ERC1: variants seen among roughly 807,000 people sequenced by gnomAD.
ERC1 encodes the protein ELKS/RAB6-interacting/CAST family member 1, also known as RAB6 interacting protein 2.
ERC1 carries 56 observed loss-of-function variants against 132.0 expected under a neutral mutation model. The observed-to-expected ratio is 0.42, with a 90% CI of 0.34 to 0.53. The LOEUF (loss-of-function observed/expected upper bound fraction) is 0.53, where lower values mean the gene tolerates loss of function less well. Among genes scored for constraint, ERC1 ranks in the 20% least tolerant of loss-of-function variants. The pLI is 0.03. For synonymous variants in ERC1, 478 were observed against 476.1 expected (o/e 1.00, Z -0.05); for missense variants, 1,202 against 1,349.9 (o/e 0.89, Z 1.72).
At chr12:1,434,541 A>G (rs1393348157) in intron 17 of ERC1, among the ~76,000 whole-genome samples, 1 of 152,146 alleles carries the variant, frequency 6.6e-6, no homozygotes, top group Non-Finnish European at 1.5e-5. Flanking sequence ...GTTCTGTCAA[A>G]TGCTAGGGTT....
intron 8 of ERC1, among the ~76,000 whole-genome samples, chr12:1,147,826 C>T (rs1430940765): frequency 6.6e-6 from 1 of 152,142 alleles, no homozygotes; most frequent in Non-Finnish European, 1.5e-5. Flanking sequence ...GTGCCAGCAG[C>T]CTGTTTGTTG....
intron 12 of ERC1, among the ~76,000 whole-genome samples, chr12:1,216,212 G>T (rs1002669513): frequency 2.6e-5 from 4 of 151,840 alleles, no homozygotes; most frequent in Admixed American, 1.3e-4. Flanking sequence ...ATATTTTAGC[G>T]ATTAATAGTA....
intron 2 of ERC1, among the ~76,000 whole-genome samples, chr12:1,078,451 G>A (rs953153813): frequency 1.4e-5 from 2 of 140,036 alleles, no homozygotes; most frequent in Admixed American, 7.1e-5. Flanking sequence ...TTTTTTTTTG[G>A]TGAGTTTATT....
intron 3 of ERC1, among the ~76,000 whole-genome samples, chr12:1,097,757 C>A (rs1435421671): frequency 6.6e-6 from 1 of 151,060 alleles, no homozygotes; most frequent in Admixed American, 6.6e-5. Flanking sequence ...CTCTGTTGCC[C>A]AAGCTGGAGT....
intron 8 of ERC1, among the ~76,000 whole-genome samples, chr12:1,149,385 A>G (rs1047289637): frequency 9.9e-5 from 15 of 152,282 alleles, no homozygotes; most frequent in African/African-American, 3.6e-4. Flanking sequence ...ATACAGTATC[A>G]TATATACATA....
At chr12:1,401,097 G>A (rs576322891) in intron 16 of ERC1, among the ~76,000 whole-genome samples, 26 of 151,236 alleles carry the variant, frequency 1.7e-4, no homozygotes, top group African/African-American at 3.2e-4. Flanking sequence ...CGCTGCGCCC[G>A]GCTAATTTTT....
intron 1 of ERC1, among the ~76,000 whole-genome samples, chr12:1,021,907 C>G (rs1376118119): frequency 6.6e-6 from 1 of 152,162 alleles, no homozygotes; most frequent in Non-Finnish European, 1.5e-5. Flanking sequence ...CTCATGTATT[C>G]TGTCAGTATC....
chr12:996,250 T>C (rs1368200805), intron 1 of ERC1, among the ~76,000 whole-genome samples: 1 of 73,156 alleles, frequency 1.4e-5, no homozygotes. Context: ...CATGCCTGGC[T>C]TTTTTTTTTT....
chr12:1,482,212 G>T (rs2094106772), intron 18 of ERC1, among the ~76,000 whole-genome samples: 1 of 152,156 alleles, frequency 6.6e-6, no homozygotes, highest in South Asian at 2.1e-4. Context: ...CAGAATTGCA[G>T]TGAGCAGCCC....
intron 13 of ERC1, among the ~76,000 whole-genome samples, chr12:1,257,687 G>A (rs1447384985): frequency 6.6e-6 from 1 of 152,046 alleles, no homozygotes; most frequent in Non-Finnish European, 1.5e-5. Context: ...TGTAAAACAT[G>A]ATGTGTCATA....
intron 8 of ERC1, among the ~76,000 whole-genome samples, chr12:1,153,416 G>A (rs1255504103): frequency 6.6e-6 from 1 of 152,206 alleles, no homozygotes; most frequent in East Asian, 1.9e-4. Context: ...GTTTAACTGT[G>A]CCTTCAGAAT....
rs116800534 is a variant in ERC1, at chr12:1,416,944, G to A, written c.3024+8697G>A. 4.4e-3 allele frequency among the ~76,000 whole-genome samples: 662 copies of A among 152,058 alleles called. 9 individuals are homozygous for A. The highest frequency in any genetic ancestry group is 0.015 in the African/African-American group (625 of 41,410). The stretch of plus-strand genomic sequence containing the variant: ...CATTAATACCCTTCCTGCTTTTATC[G>A]TTCCCCTCCCTTCTTCACTTTCTCT... On this transcript the variant is annotated intron_variant, in intron 17 of 18. Transcript: ENST00000360905.
At chr12:1,400,908 ATTTTTGTATT>A (rs2090970296) in intron 16 of ERC1, among the ~76,000 whole-genome samples, 1 of 43,400 alleles carries the variant, frequency 2.3e-5, no homozygotes, top group Admixed American at 2.6e-4. Context: ...TGTTTTGGCT[ATTTTTGTATT>A]TTTTTTTTTT....
intron 2 of ERC1, among the ~76,000 whole-genome samples, chr12:1,067,726 C>T (rs966239760): frequency 3.3e-5 from 5 of 152,154 alleles, no homozygotes; most frequent in Admixed American, 6.5e-5. Context: ...CTGCTGAAGG[C>T]TGCAATTCTG....
chr12:992,411 T>C (rs556334260), intron 1 of ERC1, among the ~76,000 whole-genome samples: 3 of 152,402 alleles, frequency 2.0e-5, no homozygotes, highest in African/African-American at 7.2e-5. Flanking sequence ...TATAGCGTGT[T>C]GCTTGCTCAG....
intron 15 of ERC1, among the ~76,000 whole-genome samples, chr12:1,363,543 CTTT>C (rs34769986): frequency 1.4e-4 from 13 of 94,342 alleles, no homozygotes; most frequent in African/African-American, 5.1e-4. Flanking sequence ...TATTTCTTTC[CTTT>C]TTTTTTTTTT....
intron 2 of ERC1, among the ~76,000 whole-genome samples, chr12:1,042,338 G>GTT (rs776086251): frequency 0.43 from 51,537 of 120,780 alleles, 13,746 homozygotes; most frequent in East Asian, 0.79. Flanking sequence ...CGCCCGGCCT[G>GTT]TTTTTTTTTT....
chr12:1,407,713 A>C (rs1358388874), intron 16 of ERC1, among the ~76,000 whole-genome samples: 1 of 152,190 alleles, frequency 6.6e-6, no homozygotes, highest in South Asian at 2.1e-4. Flanking sequence ...AAATCAAGGT[A>C]GTGTTTGATT....
At chr12:1,094,136 G>A (rs12317295) in intron 3 of ERC1, among the ~76,000 whole-genome samples, 11 of 143,030 alleles carry the variant, frequency 7.7e-5, no homozygotes, top group Non-Finnish European at 1.4e-4. Flanking sequence ...CTTCTGCCTC[G>A]GCCTCCTGAG....
Sources: gnomAD v4.1 joint callset for allele counts (sites outside exome capture counted in the v4.1 genomes callset) on GRCh38, gnomAD v4.1.1 for gene constraint, MANE v1.5 for transcripts, NCBI Gene and HGNC (gene_info 2026-07-23, HGNC 2026-07-21) for gene names.